Variants in ZFP91 observed in about 807,000 individuals in gnomAD.
The protein encoded by ZFP91 is ZFP91 zinc finger protein, atypical E3 ubiquitin ligase.
In ZFP91, 7 loss-of-function variants were observed where a neutral mutation model predicts 63.5. The observed-to-expected ratio is 0.11, with a 90% CI of 0.06 to 0.21. The LOEUF is 0.21. ZFP91 is among the 10% of genes least tolerant of loss of function. ZFP91 has a pLI of 1.00. For synonymous variants in ZFP91, 330 were observed against 272.1 expected (o/e 1.21, Z -2.10); for missense variants, 628 against 736.6 (o/e 0.85, Z 1.71).
chr11:58,580,137 A>C (rs1855087095), intron 1 of ZFP91, among the ~76,000 whole-genome samples: 1 of 143,128 alleles, frequency 7.0e-6, no homozygotes. Flanking sequence ...AACCCTTCTC[A>C]TTCTTTTGAG....
chr11:58,599,171 A>G (rs1565220431), intron 2 of ZFP91, among the ~76,000 whole-genome samples: 1 of 149,702 alleles, frequency 6.7e-6, no homozygotes. Flanking sequence ...TTTTCGTTGT[A>G]TGTATATATG....
intron 1 of ZFP91, 147 bp downstream of exon 1, chr11:58,579,769 G>A (rs1855069556): frequency 1.3e-6 from 1 of 779,822 alleles, no homozygotes; most frequent in African/African-American, 1.9e-5. Flanking sequence ...CGTTTCCCCG[G>A]GAGCCTTCGT....
rs1855770055 is a variant in ZFP91, at chr11:58,617,560, ACGGAACGGGTGAGCCTGATGG to A, written c.1569_1589del (p.Glu524_Ala530del). On this transcript the variant is annotated inframe_deletion, in exon 11 of 11. Transcript: ENST00000316059. This position sits in a 1 kb window ranked among gnomAD's most constrained non-coding sequence, Gnocchi z 4.2. ...GATGTCAAAGTCATACTGCAGTGGGACGGAACGGGTGAGCCTGATGGCTGATGGGAAGATCTTTGTGGGAAG... is the reference window on the plus strand; with the variant it reads ...GATGTCAAAGTCATACTGCAGTGGGACTGATGGGAAGATCTTTGTGGGAAG... 1.2e-6 allele frequency: 2 copies of A among 1,613,304 alleles called. No individual in the cohort carries two copies. The highest frequency in any genetic ancestry group is 2.2e-5 in the South Asian group (2 of 90,976).
intron 2 of ZFP91, among the ~76,000 whole-genome samples, chr11:58,588,801 T>C (rs1276562029): frequency 6.6e-6 from 1 of 152,206 alleles, no homozygotes; most frequent in African/African-American, 2.4e-5. Flanking sequence ...CACATTTTTA[T>C]GCTTTTTTTC....
intron 2 of ZFP91, among the ~76,000 whole-genome samples, chr11:58,598,849 T>C (rs1855448302): frequency 6.6e-6 from 1 of 151,500 alleles, no homozygotes; most frequent in Non-Finnish European, 1.5e-5. Flanking sequence ...TACAATTCAG[T>C]GACATTTGGT....
chr11:58,615,492 A>G (rs1223847343), intron 9 of ZFP91, among the ~76,000 whole-genome samples: 1 of 152,210 alleles, frequency 6.6e-6, no homozygotes, highest in Non-Finnish European at 1.5e-5. Context: ...ACAATTTATG[A>G]TGTTTTACTT....
At chr11:58,596,472 C>T (rs1171001970) in intron 2 of ZFP91, among the ~76,000 whole-genome samples, 1 of 152,184 alleles carries the variant, frequency 6.6e-6, no homozygotes, top group Non-Finnish European at 1.5e-5. Flanking sequence ...AAGTCAAAAG[C>T]AGTCTTGAAT....
chr11:58,618,689 G>T lies in ZFP91; in HGVS notation c.*983G>T. ...CAGGTACTTTGAAGGCAAGACATAG[G>T]GTTGAAGAAGCACAGCCAGCCTCTG... On this transcript the variant is annotated 3_prime_UTR_variant, in exon 11 of 11. Transcript: ENST00000316059. 2.2e-6 allele frequency: 1 copy of T among 456,920 alleles called. No individual in the cohort carries two copies. The highest frequency in any genetic ancestry group is 4.4e-6 in the Non-Finnish European group (1 of 226,978). 28.3% of individuals were successfully genotyped at this position (456,920 alleles called of 1,614,324 possible). A position where few individuals can be genotyped will look rare whatever the true frequency, so the allele number is the denominator to read the frequency against.
intron 2 of ZFP91, among the ~76,000 whole-genome samples, chr11:58,600,877 A>G (rs1351433766): frequency 1.3e-5 from 2 of 152,004 alleles, no homozygotes; most frequent in Non-Finnish European, 2.9e-5. Flanking sequence ...TAATTTTGTC[A>G]GGTTCTTTTT....
At chr11:58,601,401 T>TA (rs1855488259) in intron 2 of ZFP91, among the ~76,000 whole-genome samples, 1 of 152,216 alleles carries the variant, frequency 6.6e-6, no homozygotes, top group Non-Finnish European at 1.5e-5. Context: ...TTCATTGTGT[T>TA]TTCTTATGTT....
Position 58,579,339 on chromosome 11 carries a change from GAGGCGGCCA to G in ZFP91, c.66_74del (p.Lys23_Ala25del). 1 of 1,495,506 alleles carries G rather than the reference GAGGCGGCCA, an allele frequency of 6.7e-7. No individual in the cohort carries two copies. The highest frequency in any genetic ancestry group is 1.3e-5 in the South Asian group (1 of 79,594). The allele number at this position is 1,495,506 out of a possible 1,614,324, so 92.6% of individuals were successfully genotyped here. ...GGAGCAGCAGGACCAGGAAGGGGGA[GAGGCGGCCA>G]AGGCGGCTCCGGAGGAGCCCCAACA... On this transcript the variant is annotated inframe_deletion, in exon 1 of 11. Transcript: ENST00000316059.
chr11:58,586,870 A>G (rs1006133918), intron 2 of ZFP91, among the ~76,000 whole-genome samples: 1 of 151,914 alleles, frequency 6.6e-6, no homozygotes, highest in African/African-American at 2.4e-5. Flanking sequence ...CAAAACTTTA[A>G]ACAGGTTTTA....
intron 2 of ZFP91, among the ~76,000 whole-genome samples, chr11:58,604,788 C>T (rs550588662): frequency 6.6e-6 from 1 of 152,108 alleles, no homozygotes; most frequent in South Asian, 2.1e-4. Flanking sequence ...TATGTGTGGC[C>T]CAAGACATGT....
intron 2 of ZFP91, among the ~76,000 whole-genome samples, chr11:58,585,143 G>A (rs1256492184): frequency 6.6e-6 from 1 of 152,088 alleles, no homozygotes; most frequent in Non-Finnish European, 1.5e-5. Flanking sequence ...ATTTTTAAAT[G>A]AGGTAACAGA....
At position 58,621,399 on chromosome 11, in the gene ZFP91, T is replaced by C. The variant is rs536162703; in HGVS notation, c.*3693T>C. 6.6e-6 allele frequency among the ~76,000 whole-genome samples: 1 copy of C among 152,232 alleles called. No homozygotes were observed. Among genetic ancestry groups the C allele is most frequent in the African/African-American group, 2.4e-5 (1 of 41,462 alleles). The stretch of plus-strand genomic sequence containing the variant: ...TTAATATTAATACTTCTTCTCAAAA[T>C]TGAATGTTTATATCAAGTACTGATT... On this transcript the variant is annotated 3_prime_UTR_variant, in exon 11 of 11. Transcript: ENST00000316059.
chr11:58,584,130 C>T (rs562794413), intron 1 of ZFP91, among the ~76,000 whole-genome samples: 2 of 152,132 alleles, frequency 1.3e-5, no homozygotes, highest in South Asian at 2.1e-4. Context: ...AAAAAATCTT[C>T]AGGCTATAAC....
At chr11:58,585,272 A>G (rs1855186575) in intron 2 of ZFP91, among the ~76,000 whole-genome samples, 1 of 152,198 alleles carries the variant, frequency 6.6e-6, no homozygotes, top group Non-Finnish European at 1.5e-5. Flanking sequence ...AGCCTGGTGA[A>G]TAATTAAATT....
Position 58,614,898 on chromosome 11 carries a change from T to G in ZFP91, c.1102+555T>G, listed in dbSNP as rs1855725866. ...TCAAATTCAATTTATTTGTAACCACTGACCATCTCAGTGCAGTGTACCTAA... is the reference window on the plus strand; with the variant it reads ...TCAAATTCAATTTATTTGTAACCACGGACCATCTCAGTGCAGTGTACCTAA... On this transcript the variant is annotated intron_variant, in intron 9 of 10. Transcript: ENST00000316059. Among the ~76,000 whole-genome samples the G allele has an allele frequency of 5.9e-5, 9 of 152,326 alleles. 1 individual carries two copies. In the South Asian group the frequency reaches 1.9e-3, roughly 32 times the overall value.
chr11:58,614,886 A>G (rs912866627), intron 9 of ZFP91, among the ~76,000 whole-genome samples: 1 of 152,182 alleles, frequency 6.6e-6, no homozygotes, highest in Non-Finnish European at 1.5e-5. Flanking sequence ...AATTCAATTT[A>G]TTTGTAACCA....
Sources: gnomAD v4.1 joint callset for allele counts (sites outside exome capture counted in the v4.1 genomes callset) on GRCh38, gnomAD v4.1.1 for gene constraint, Gnocchi (gnomAD v3.1) non-coding constraint, MANE v1.5 for transcripts, NCBI Gene and HGNC (gene_info 2026-07-23, HGNC 2026-07-21) for gene names.